SPIRE1: variants seen among roughly 807,000 people sequenced by gnomAD.
SPIRE1 encodes the protein protein spire homolog 1.
Under a neutral mutation model 94.1 loss-of-function variants are expected in SPIRE1, and 40 were observed. The observed-to-expected ratio is 0.43, with a 90% CI of 0.33 to 0.55. The LOEUF is 0.55. Ranked by LOEUF, SPIRE1 falls within the 20% of genes least tolerant of loss-of-function variation. The probability of loss-of-function intolerance (pLI) is 0.06; values close to 1 mark genes in which losing one functional copy is unlikely to be tolerated. For missense variants in SPIRE1, 838 were observed against 975.2 expected, an observed-to-expected ratio of 0.86 and a Z score of 1.87; for synonymous variants, 376 against 371.7, an observed-to-expected ratio of 1.01 and a Z score of -0.13.
chr18:12,510,591 G>A (rs1471030816), intron 5 of SPIRE1, among the ~76,000 whole-genome samples: 1 of 151,234 alleles, frequency 6.6e-6, no homozygotes, highest in Non-Finnish European at 1.5e-5. Flanking sequence ...CGCCCAGGCT[G>A]GAGTGCAATG....
intron 1 of SPIRE1, chr18:12,656,699 C>T: frequency 1.0e-6 from 1 of 982,700 alleles, no homozygotes. Flanking sequence ...AACCTTTTCT[C>T]AACCTCCTCC....
intron 2 of SPIRE1, among the ~76,000 whole-genome samples, chr18:12,606,413 A>G (rs117599304): frequency 0.011 from 1,744 of 152,312 alleles, 16 homozygotes; most frequent in Middle Eastern, 0.024. Context: ...GAAACAAAGA[A>G]AAAGGAAAAG....
intron 2 of SPIRE1, among the ~76,000 whole-genome samples, chr18:12,607,941 G>A (rs1336858274): frequency 6.6e-6 from 1 of 152,090 alleles, no homozygotes; most frequent in Non-Finnish European, 1.5e-5. Context: ...CAGATCACAA[G>A]GTCAGGAGAT....
intron 2 of SPIRE1, among the ~76,000 whole-genome samples, chr18:12,620,588 T>C (rs1361801361): frequency 6.6e-6 from 1 of 152,184 alleles, no homozygotes; most frequent in African/African-American, 2.4e-5. Flanking sequence ...GTGATGTGTC[T>C]ATTAGATATC....
chr18:12,549,021 C>T (rs923571824), intron 2 of SPIRE1, among the ~76,000 whole-genome samples: 5 of 152,188 alleles, frequency 3.3e-5, no homozygotes, highest in African/African-American at 1.2e-4. Flanking sequence ...CCACTTTGTC[C>T]ACCAGCCTGT....
intron 1 of SPIRE1, among the ~76,000 whole-genome samples, chr18:12,654,209 C>T (rs1434344012): frequency 6.7e-6 from 1 of 149,790 alleles, no homozygotes; most frequent in Non-Finnish European, 1.5e-5. Context: ...TGGTGGTACA[C>T]ACCTGTAATC....
intron 2 of SPIRE1, among the ~76,000 whole-genome samples, chr18:12,586,537 T>A (rs1490958461): frequency 2.6e-5 from 4 of 152,170 alleles, no homozygotes; most frequent in Admixed American, 6.5e-5. Context: ...ATGAGACAAT[T>A]CTCTCAGTCA....
intron 5 of SPIRE1, among the ~76,000 whole-genome samples, chr18:12,509,867 GGT>G (rs1435997268): frequency 3.9e-5 from 6 of 152,152 alleles, no homozygotes; most frequent in South Asian, 4.1e-4. Context: ...CGGATCACCA[GGT>G]AGGTCAGGAG....
rs577239034 is a variant in SPIRE1, at chr18:12,449,700, A to G, written c.2209T>C (p.Tyr737His). The G allele has an allele frequency of 1.9e-6, 3 of 1,614,186 alleles. No individual in the cohort carries two copies. The highest frequency in any genetic ancestry group is 2.7e-5 in the African/African-American group (2 of 75,056). The part of the protein sequence containing the change: ...ARLKRKTQSF[Y>H]MSSPGPSEYC... ...TCCGAGGGGCCTGGCGAGGACATGT[A>G]GAAAGACTGCGTTTTCCTTTTCAAT... Residue 737 changes from tyrosine to histidine, a missense_variant, in exon 17 of 17, where the codon TAC becomes CAC. By Grantham distance (83) the Tyr-to-His change is moderately conservative (BLOSUM62 2). Coordinates refer to ENST00000409402, the MANE Select transcript of SPIRE1 (RefSeq NM_001128626.2).
intron 6 of SPIRE1, among the ~76,000 whole-genome samples, chr18:12,498,872 T>C (rs576728175): frequency 6.6e-6 from 1 of 152,308 alleles, no homozygotes; most frequent in South Asian, 2.1e-4. Context: ...ATCCTAGCAC[T>C]TGGCCTTCCA....
intron 2 of SPIRE1, among the ~76,000 whole-genome samples, chr18:12,586,384 C>T (rs1291188088): frequency 6.6e-6 from 1 of 152,228 alleles, no homozygotes; most frequent in African/African-American, 2.4e-5. Flanking sequence ...TGTCCCATCT[C>T]TACATTCGTT....
At chr18:12,615,345 A>AAAAAAAT in intron 2 of SPIRE1, among the ~76,000 whole-genome samples, 2 of 17,242 alleles carry the variant, frequency 1.2e-4, no homozygotes, top group Non-Finnish European at 1.9e-4. Context: ...AAAAAAAAAA[A>AAAAAAAT]ATATATATAT....
chr18:12,646,425 A>G (rs1056377435), intron 1 of SPIRE1, among the ~76,000 whole-genome samples: 4 of 152,166 alleles, frequency 2.6e-5, no homozygotes, highest in African/African-American at 9.7e-5. Flanking sequence ...CCCTCTTTGT[A>G]TCGTCAACAT....
intron 10 of SPIRE1, among the ~76,000 whole-genome samples, chr18:12,479,465 T>C (rs2032758985): frequency 6.6e-6 from 1 of 152,172 alleles, no homozygotes; most frequent in Admixed American, 6.6e-5. Context: ...TGAGCTAACA[T>C]GCCCGACAAA....
At chr18:12,522,110 G>A (rs1212120230) in intron 4 of SPIRE1, among the ~76,000 whole-genome samples, 2 of 152,240 alleles carry the variant, frequency 1.3e-5, no homozygotes, top group African/African-American at 2.4e-5. Flanking sequence ...CAAAAGCAAA[G>A]ATGGGCTGAA....
chr18:12,606,411 GAA>G (rs2036977605), intron 2 of SPIRE1, among the ~76,000 whole-genome samples: 2 of 152,012 alleles, frequency 1.3e-5, no homozygotes. Flanking sequence ...AAGAAACAAA[GAA>G]AAAGGAAAAG....
upstream of SPIRE1, among the ~76,000 whole-genome samples, chr18:12,659,863 A>G (rs1162265051): frequency 6.6e-6 from 1 of 152,204 alleles, no homozygotes; most frequent in Non-Finnish European, 1.5e-5. Flanking sequence ...CTTATGTGTG[A>G]CACTATATAC....
At chr18:12,507,554 C>A (rs1308262078) in intron 5 of SPIRE1, among the ~76,000 whole-genome samples, 4 of 151,812 alleles carry the variant, frequency 2.6e-5, no homozygotes, top group Non-Finnish European at 5.9e-5. Context: ...CAAAAATTAG[C>A]TGGGTGTGGT....
chr18:12,591,968 C>CAAAAAAAAAAAAAAAAAA (rs35668057), intron 2 of SPIRE1, among the ~76,000 whole-genome samples: 2 of 67,434 alleles, frequency 3.0e-5, no homozygotes, highest in African/African-American at 1.1e-4. Flanking sequence ...GACTCCATCT[C>CAAAAAAAAAAAAAAAAAA]AAAAAAAAAA....
Sources: allele counts gnomAD v4.1 joint callset (sites outside exome capture counted in the v4.1 genomes callset), GRCh38; gene constraint gnomAD v4.1.1; transcripts MANE v1.5; gene names NCBI Gene and HGNC (gene_info 2026-07-23, HGNC 2026-07-21).